The following HCN1 variants were observed in gnomAD, a reference collection of about 807,000 sequenced individuals.
HCN1 encodes potassium/sodium hyperpolarization-activated cyclic nucleotide-gated channel 1.
Under a neutral mutation model 78.9 loss-of-function variants are expected in HCN1, and 13 were observed. The observed-to-expected ratio is 0.16, with a 90% CI of 0.11 to 0.26. HCN1 has a LOEUF of 0.26. Ranked by LOEUF, HCN1 falls within the 10% of genes least tolerant of loss-of-function variation. The pLI, the probability that HCN1 is intolerant of heterozygous loss-of-function variation, is 1.00. For missense variants in HCN1, 810 were observed against 1,154.3 expected, an observed-to-expected ratio of 0.70 and a Z score of 4.32; for synonymous variants, 552 against 455.5, an observed-to-expected ratio of 1.21 and a Z score of -2.70.
intron 3 of HCN1, among the ~76,000 whole-genome samples, chr5:45,408,823 A>C (rs566375070): frequency 6.6e-6 from 1 of 152,160 alleles, no homozygotes; most frequent in Non-Finnish European, 1.5e-5. Flanking sequence ...AGTGAAATTA[A>C]AGTGAAAACA....
At position 45,677,989 on chromosome 5, in the gene HCN1, T is replaced by TACACACACACAC. The variant is rs200866112; in HGVS notation, c.425+17668_425+17679dup. ...AAGATTAAACACATACACACACACA[T>TACACACACACAC]ACACACACACACACACACACACACA... On this transcript the variant is annotated intron_variant, in intron 1 of 7. Coordinates refer to ENST00000303230, the MANE Select transcript of HCN1 (RefSeq NM_021072.4). Among the ~76,000 whole-genome samples, 41 of 94,168 alleles carry TACACACACACAC rather than the reference T, an allele frequency of 4.4e-4. 1 individual carries two copies. The highest frequency in any genetic ancestry group is 1.4e-3 in the African/African-American group (38 of 27,512). 61.8% of individuals were successfully genotyped at this position (94,168 alleles called of 152,430 possible).
chr5:45,431,253 G>A (rs772707231), intron 3 of HCN1, among the ~76,000 whole-genome samples: 2 of 152,134 alleles, frequency 1.3e-5, no homozygotes, highest in Non-Finnish European at 2.9e-5. Context: ...CTTTTGAAAA[G>A]TGTCTCTTCA....
intron 5 of HCN1, among the ~76,000 whole-genome samples, chr5:45,309,902 C>G (rs1280795837): frequency 6.6e-6 from 1 of 152,116 alleles, no homozygotes; most frequent in South Asian, 2.1e-4. Flanking sequence ...GGAGGACTCC[C>G]TCCTTTTCGA....
intron 4 of HCN1, among the ~76,000 whole-genome samples, chr5:45,359,566 C>CT (rs536742990): frequency 9.9e-5 from 15 of 151,640 alleles, no homozygotes; most frequent in African/African-American, 3.4e-4. Context: ...AAAGTTAATA[C>CT]TTTTTTTTAA....
rs1352884582 is a variant in HCN1, at chr5:45,261,907, ACAAT to A, written c.*10_*13del. ...TATGAGAGTATTTCTTTCTGCTTTG[ACAAT>A]CAGCAGGGATCATAAATTTGAAGCA... On this transcript the variant is annotated 3_prime_UTR_variant, in exon 8 of 8. Transcript: ENST00000303230. 1.5e-5 allele frequency: 24 copies of A among 1,613,848 alleles called. No individual in the cohort carries two copies. The highest frequency in any genetic ancestry group is 2.0e-5 in the Non-Finnish European group (24 of 1,179,990).
intron 5 of HCN1, among the ~76,000 whole-genome samples, chr5:45,319,011 G>T (rs984082617): frequency 2.0e-5 from 3 of 151,936 alleles, no homozygotes; most frequent in African/African-American, 7.2e-5. Context: ...GCTAAGTGTT[G>T]TAAGTGGGAG....
intron 2 of HCN1, among the ~76,000 whole-genome samples, chr5:45,602,102 G>GT (rs1744636636): frequency 1.3e-5 from 2 of 152,036 alleles, no homozygotes; most frequent in Admixed American, 1.3e-4. Context: ...TGCCGTGATT[G>GT]TAAGTTTCCT....
intron 2 of HCN1, among the ~76,000 whole-genome samples, chr5:45,556,522 A>C (rs1743472802): frequency 6.6e-6 from 1 of 151,930 alleles, no homozygotes; most frequent in African/African-American, 2.4e-5. Context: ...TTTATAGCCC[A>C]AAATCTCTTG....
chr5:45,413,202 G>T (rs1378230008), intron 3 of HCN1, among the ~76,000 whole-genome samples: 2 of 151,976 alleles, frequency 1.3e-5, no homozygotes, highest in Non-Finnish European at 1.5e-5. Flanking sequence ...CTCACAAGAG[G>T]TTAAATCCCA....
chr5:45,426,110 ATTCC>A (rs1740341810), intron 3 of HCN1, among the ~76,000 whole-genome samples: 1 of 152,146 alleles, frequency 6.6e-6, no homozygotes, highest in Non-Finnish European at 1.5e-5. Context: ...TCTGTAGTTA[ATTCC>A]ATTTAACTGT....
chr5:45,451,604 C>T (rs1051963131), intron 3 of HCN1, among the ~76,000 whole-genome samples: 2 of 151,780 alleles, frequency 1.3e-5, no homozygotes, highest in African/African-American at 2.4e-5. Context: ...GATAATAATG[C>T]CCACCATGGA....
At chr5:45,355,805 A>G (rs557157757) in intron 4 of HCN1, among the ~76,000 whole-genome samples, 54 of 152,124 alleles carry the variant, frequency 3.5e-4, no homozygotes, top group African/African-American at 1.2e-3. Flanking sequence ...AACCAGAAAA[A>G]CATGATTAGA....
At chr5:45,268,216 G>T (rs1471294669) in intron 6 of HCN1, among the ~76,000 whole-genome samples, 4 of 152,150 alleles carry the variant, frequency 2.6e-5, no homozygotes. Context: ...CTGAAATTTA[G>T]ATTTCCAAAA....
chr5:45,672,948 C>T (rs961285645), intron 1 of HCN1, among the ~76,000 whole-genome samples: 1 of 151,264 alleles, frequency 6.6e-6, no homozygotes, highest in African/African-American at 2.4e-5. Flanking sequence ...AATGTTTATA[C>T]ATTATTATTA....
At chr5:45,306,377 C>T (rs1745734824) in intron 5 of HCN1, among the ~76,000 whole-genome samples, 1 of 152,030 alleles carries the variant, frequency 6.6e-6, no homozygotes, top group Non-Finnish European at 1.5e-5. Context: ...GTTAATGATA[C>T]ATTGCATATC....
chr5:45,441,057 C>A (rs976328859), intron 3 of HCN1, among the ~76,000 whole-genome samples: 1 of 152,040 alleles, frequency 6.6e-6, no homozygotes, highest in Non-Finnish European at 1.5e-5. Flanking sequence ...CCTTCATTTC[C>A]TTGAGTTTTC....
At chr5:45,466,471 T>C (rs188570051) in intron 2 of HCN1, among the ~76,000 whole-genome samples, 14 of 152,272 alleles carry the variant, frequency 9.2e-5, no homozygotes, top group Admixed American at 9.2e-4. Flanking sequence ...CAAAATAAGA[T>C]TAAGAAAATG....
In HCN1 at chr5:45,286,687, A is replaced by G. The variant is rs777022234; in HGVS notation, c.1618+16912T>C. On this transcript the variant is annotated intron_variant, in intron 6 of 7. Transcript: ENST00000303230. Reference sequence around the variant, plus strand: ...ATTCATTTCTTTGGGGTACAACCACATATCCAAGCAAAGGGAACTACTTAG... The same window carrying G: ...ATTCATTTCTTTGGGGTACAACCACGTATCCAAGCAAAGGGAACTACTTAG... Among the ~76,000 whole-genome samples the G allele has an allele frequency of 1.1e-3, 163 of 152,024 alleles. 1 individual carries two copies. The highest frequency in any genetic ancestry group is 3.8e-4 in the Non-Finnish European group (26 of 67,964).
chr5:45,350,488 C>G (rs1579831630), intron 5 of HCN1, among the ~76,000 whole-genome samples: 1 of 152,042 alleles, frequency 6.6e-6, no homozygotes, highest in East Asian at 1.9e-4. Flanking sequence ...CCTCTCTCAC[C>G]ACTCCTATTC....
Sources: gnomAD v4.1 joint callset for allele counts (sites outside exome capture counted in the v4.1 genomes callset) on GRCh38, gnomAD v4.1.1 for gene constraint, MANE v1.5 for transcripts, NCBI Gene and HGNC (gene_info 2026-07-23, HGNC 2026-07-21) for gene names.